Variants in INO80D observed in about 807,000 individuals in gnomAD.
The protein encoded by INO80D is INO80 complex subunit D.
INO80D carries 21 observed loss-of-function variants against 87.6 expected under a neutral mutation model. That is an observed-to-expected ratio of 0.24 (90% CI 0.17 to 0.35). INO80D has a LOEUF of 0.35. INO80D is among the 10% of genes least tolerant of loss of function. The probability of loss-of-function intolerance (pLI) is 1.00; values close to 1 mark genes in which losing one functional copy is unlikely to be tolerated. For synonymous variants in INO80D, 440 were observed against 491.0 expected (o/e 0.90, Z 1.37); for missense variants, 982 against 1,280.7 (o/e 0.77, Z 3.56).
chr2:206,078,061 C>CAAAAA (rs71410859), intron 1 of INO80D, among the ~76,000 whole-genome samples: 760 of 63,018 alleles, frequency 0.012, 113 homozygotes, highest in Non-Finnish European at 0.016. Context: ...GCAATGTTTA[C>CAAAAA]AAAAAAAAAA....
chr2:206,079,177 A>T (rs1690207318), intron 1 of INO80D, among the ~76,000 whole-genome samples: 1 of 151,976 alleles, frequency 6.6e-6, no homozygotes, highest in African/African-American at 2.4e-5. Context: ...AGTTCAAGCG[A>T]TCCTCTCACC....
At chr2:206,054,060 G>A (rs200753628) in intron 4 of INO80D, among the ~76,000 whole-genome samples, 3 of 151,936 alleles carry the variant, frequency 2.0e-5, no homozygotes, top group East Asian at 3.9e-4. Context: ...GGCTGGTCTC[G>A]AACTCCTGAC....
At chr2:206,035,214 C>A (rs1009197214) in intron 5 of INO80D, among the ~76,000 whole-genome samples, 2 of 152,018 alleles carry the variant, frequency 1.3e-5, no homozygotes, top group Non-Finnish European at 1.5e-5. Flanking sequence ...AATACCACCT[C>A]ATTCTTCACA....
intron 3 of INO80D, among the ~76,000 whole-genome samples, chr2:206,058,749 A>C (rs1201679399): frequency 6.6e-6 from 1 of 152,136 alleles, no homozygotes; most frequent in Non-Finnish European, 1.5e-5. Flanking sequence ...CAAACAACAA[A>C]AAAAAACAGT....
intron 1 of INO80D, among the ~76,000 whole-genome samples, chr2:206,077,747 T>C (rs1159558649): frequency 6.6e-6 from 1 of 152,174 alleles, no homozygotes; most frequent in African/African-American, 2.4e-5. Flanking sequence ...TCTTTTGTGC[T>C]AAAAATCTGA....
intron 5 of INO80D, among the ~76,000 whole-genome samples, chr2:206,035,591 A>C (rs1472342900): frequency 6.6e-6 from 1 of 152,168 alleles, no homozygotes; most frequent in East Asian, 1.9e-4. Flanking sequence ...ACTCAAGGTC[A>C]ATTAAGGACT....
At chr2:206,012,471 C>T (rs1008274453) in intron 8 of INO80D, among the ~76,000 whole-genome samples, 8 of 152,092 alleles carry the variant, frequency 5.3e-5, no homozygotes, top group African/African-American at 1.7e-4. Context: ...GAAGGGAGAT[C>T]AATTAGGAGA....
intron 1 of INO80D, among the ~76,000 whole-genome samples, chr2:206,071,238 C>CATA (rs1689958694): frequency 1.9e-3 from 2 of 1,042 alleles, no homozygotes; most frequent in South Asian, 0.037. Flanking sequence ...GGATTACAGG[C>CATA]ATAAGCACCA....
rs1451440342 is a variant in INO80D, at chr2:205,996,479, A to G, written c.*7889T>C. 2.6e-5 allele frequency: 4 copies of G among 152,074 alleles called. No homozygotes were observed. Among genetic ancestry groups the G allele is most frequent in the Admixed American group, 1.3e-4 (2 of 15,248 alleles). 9.4% of individuals were successfully genotyped at this position (152,074 alleles called of 1,614,324 possible). A position where few individuals can be genotyped will look rare whatever the true frequency, so the allele number is the denominator to read the frequency against. Reference sequence around the variant, plus strand: ...TAATCCAAAGGACTTCCATTTTAGTATGTTCTGATGATGTACTCTAGACTG... The same window carrying G: ...TAATCCAAAGGACTTCCATTTTAGTGTGTTCTGATGATGTACTCTAGACTG... On this transcript the variant is annotated 3_prime_UTR_variant, in exon 11 of 11. Transcript: ENST00000403263.
At chr2:206,037,062 AC>A (rs1353591384) in intron 5 of INO80D, among the ~76,000 whole-genome samples, 1 of 152,018 alleles carries the variant, frequency 6.6e-6, no homozygotes, top group Non-Finnish European at 1.5e-5. Flanking sequence ...CAGTGACAAA[AC>A]CTGGCACCTA....
chr2:206,009,264 C>T (rs922197895), intron 9 of INO80D, among the ~76,000 whole-genome samples: 1 of 152,092 alleles, frequency 6.6e-6, no homozygotes, highest in Non-Finnish European at 1.5e-5. Flanking sequence ...GCCGAGATTG[C>T]GCCACTGCAC....
intron 1 of INO80D, among the ~76,000 whole-genome samples, chr2:206,079,710 G>A (rs1443250996): frequency 6.6e-6 from 1 of 152,114 alleles, no homozygotes; most frequent in Non-Finnish European, 1.5e-5. Context: ...TAAATCTCAA[G>A]TAATTTATGT....
chr2:206,059,154 G>T (rs557167618), intron 3 of INO80D, among the ~76,000 whole-genome samples: 1 of 152,146 alleles, frequency 6.6e-6, no homozygotes, highest in African/African-American at 2.4e-5. Context: ...GCCAAGGTGG[G>T]TGGATCACCT....
chr2:206,016,214 C>A (rs1195060015), intron 8 of INO80D, among the ~76,000 whole-genome samples: 3 of 152,202 alleles, frequency 2.0e-5, no homozygotes, highest in African/African-American at 7.2e-5. Context: ...ATTATGGGAA[C>A]CTATGTTTTG....
At chr2:206,019,599 A>T in intron 7 of INO80D, 137 bp downstream of exon 7, 1 of 646,916 alleles carries the variant, frequency 1.5e-6, no homozygotes, top group East Asian at 3.0e-5. Flanking sequence ...CATCATGAAA[A>T]TTATGTTCGA....
intron 7 of INO80D, among the ~76,000 whole-genome samples, chr2:206,019,464 G>A (rs530238838): frequency 6.6e-6 from 1 of 152,296 alleles, no homozygotes; most frequent in Non-Finnish European, 1.5e-5. Context: ...GGAACCACCT[G>A]AGGGACCAGA....
rs1687959095 is a variant in INO80D, at chr2:206,004,249, G to C, written c.*119C>G. 3 of 909,910 alleles carry C rather than the reference G, an allele frequency of 3.3e-6. No homozygotes were observed. 56.4% of individuals were successfully genotyped at this position (909,910 alleles called of 1,614,324 possible). A position where few individuals can be genotyped will look rare whatever the true frequency, so the allele number is the denominator to read the frequency against. ...GCCACTCATTGAACTGGGAAGGGGG[G>C]TGCCCCTCTGATCCCCATCTGTTAT... On this transcript the variant is annotated 3_prime_UTR_variant, in exon 11 of 11. Transcript: ENST00000403263. The surrounding 1 kb of genome is among the most constrained non-coding windows in gnomAD (Gnocchi z 4.9).
chr2:206,062,761 A>C lies in INO80D; in HGVS notation c.218+38T>G. The C allele has an allele frequency of 6.6e-7, 1 of 1,525,464 alleles. No individual in the cohort carries two copies. The highest frequency in any genetic ancestry group is 8.9e-7 in the Non-Finnish European group (1 of 1,126,922). The allele number at this position is 1,525,464 out of a possible 1,614,324, so 94.5% of individuals were successfully genotyped here. ...GAAAAGAAAAAATTCCAAGCCTGTT[A>C]ATGAAATCAAGGATTGATTCTCATG... On this transcript the variant is annotated intron_variant, in intron 3 of 10. Coordinates refer to ENST00000403263, the MANE Select transcript of INO80D (RefSeq NM_017759.5). The surrounding 1 kb of genome is among the most constrained non-coding windows in gnomAD (Gnocchi z 4.6).
rs369959191 is a variant in INO80D, at chr2:206,056,189, A to G, written c.964+9T>C. The stretch of plus-strand genomic sequence containing the variant: ...ATGTGTCTATGATACGATAAAATAG[A>G]TAACTCACCTAAATGGGGAAACAGA... On this transcript the variant is annotated intron_variant, in intron 4 of 10. Transcript: ENST00000403263. The G allele has an allele frequency of 1.0e-5, 16 of 1,556,080 alleles. No individual in the cohort carries two copies. The African/African-American group carries it at 1.4e-4, about 13-fold the overall frequency.
Sources: gnomAD v4.1 joint callset for allele counts (sites outside exome capture counted in the v4.1 genomes callset) on GRCh38, gnomAD v4.1.1 for gene constraint, Gnocchi (gnomAD v3.1) non-coding constraint, MANE v1.5 for transcripts, NCBI Gene and HGNC (gene_info 2026-07-23, HGNC 2026-07-21) for gene names.